Variants in INPP5K observed in about 807,000 individuals in gnomAD.
INPP5K encodes the protein inositol polyphosphate-5-phosphatase K.
In INPP5K, 35 loss-of-function variants were observed where a neutral mutation model predicts 53.5. The ratio of observed to expected loss-of-function variants is 0.65; its 90% confidence interval spans 0.50 to 0.87. The LOEUF (loss-of-function observed/expected upper bound fraction) is 0.87. Among genes scored for constraint, INPP5K ranks in the 40% least tolerant of loss-of-function variants. The probability of loss-of-function intolerance (pLI) is 0.00; values close to 1 mark genes in which losing one functional copy is unlikely to be tolerated. For synonymous variants in INPP5K, 253 were observed against 232.8 expected, an observed-to-expected ratio of 1.09 and a Z score of -0.79; for missense variants, 550 against 586.2, an observed-to-expected ratio of 0.94 and a Z score of 0.64.
intron 3 of INPP5K, among the ~76,000 whole-genome samples, chr17:1,511,239 T>C (rs897184110): frequency 1.3e-5 from 2 of 152,200 alleles, no homozygotes; most frequent in Admixed American, 1.3e-4. Flanking sequence ...GTTTTGTAGT[T>C]GAGGAACTAA....
At chr17:1,497,601 C>T (rs2074889424) in intron 8 of INPP5K, among the ~76,000 whole-genome samples, 1 of 152,048 alleles carries the variant, frequency 6.6e-6, no homozygotes, top group Non-Finnish European at 1.5e-5. Flanking sequence ...AGGGAGCGCC[C>T]GTTGCAACTT....
At chr17:1,508,273 G>A (rs768863430) in intron 5 of INPP5K, 47 bp from the exon 6 acceptor site, 17 of 1,459,014 alleles carry the variant, frequency 1.2e-5, no homozygotes, top group Admixed American at 8.4e-5. Context: ...ATGAAGTCGG[G>A]GAAGGGAGAT....
intron 7 of INPP5K, among the ~76,000 whole-genome samples, chr17:1,504,630 A>C (rs1276968161): frequency 1.3e-5 from 2 of 152,200 alleles, no homozygotes; most frequent in Non-Finnish European, 2.9e-5. Context: ...GTTACTCCTT[A>C]CTTATATATT....
intron 7 of INPP5K, among the ~76,000 whole-genome samples, chr17:1,500,958 C>CTTTT (rs546504445): frequency 2.2e-5 from 3 of 135,304 alleles, no homozygotes; most frequent in South Asian, 2.3e-4. Context: ...TATTCAACTG[C>CTTTT]TTTTTTTTTT....
intron 7 of INPP5K, among the ~76,000 whole-genome samples, chr17:1,500,376 T>G (rs907237564): frequency 2.6e-5 from 4 of 151,986 alleles, no homozygotes; most frequent in African/African-American, 9.7e-5. Context: ...AGTTTTTTTT[T>G]TTTTTTGAGA....
chr17:1,514,949 C>G (rs376117267), intron 1 of INPP5K, among the ~76,000 whole-genome samples: 18 of 150,822 alleles, frequency 1.2e-4, no homozygotes, highest in Admixed American at 8.6e-4. Context: ...CTCTGTTGCC[C>G]AGGCTGGAGT....
chr17:1,514,541 A>G (rs1399326664), intron 1 of INPP5K, among the ~76,000 whole-genome samples: 1 of 151,892 alleles, frequency 6.6e-6, no homozygotes, highest in African/African-American at 2.4e-5. Context: ...ACCCGGCAGC[A>G]CTGGTGCTGC....
chr17:1,506,963 C>T lies in INPP5K; in HGVS notation c.776+17G>A. ...ACCTGACTTCCTAGACCTTCTGGCC[C>T]CCCACTCCCTCCTCACCTGGTGTCA... On this transcript the variant is annotated intron_variant, in intron 7 of 11. Transcript: ENST00000421807. The T allele has an allele frequency of 6.3e-7, 1 of 1,577,834 alleles. No homozygotes were observed.
chr17:1,497,826 C>G, intron 8 of INPP5K, 110 bp downstream of exon 8: 1 of 972,758 alleles, frequency 1.0e-6, no homozygotes, highest in Non-Finnish European at 1.6e-6. Flanking sequence ...ATGGCCTCCA[C>G]AGGTCTCCCC....
chr17:1,504,123 C>T lies in INPP5K; in HGVS notation c.776+2857G>A, dbSNP rs188959618. 1.6e-3 allele frequency among the ~76,000 whole-genome samples: 241 copies of T among 152,340 alleles called. 1 individual carries two copies. Among genetic ancestry groups the T allele is most frequent in the African/African-American group, 5.6e-3 (233 of 41,580 alleles). ...CGGAGTTCTGGAAACCTTCTATTGA[C>T]TAACTCCCAGGCTTGGTAACATATG... On this transcript the variant is annotated intron_variant, in intron 7 of 11. Coordinates refer to ENST00000421807, the MANE Select transcript of INPP5K (RefSeq NM_016532.4).
At chr17:1,514,684 A>G (rs1357525748) in intron 1 of INPP5K, among the ~76,000 whole-genome samples, 1 of 152,146 alleles carries the variant, frequency 6.6e-6, no homozygotes, top group East Asian at 1.9e-4. Context: ...GTCATCATCT[A>G]TGGCTCAGTC....
rs759984146 is a variant in INPP5K, at chr17:1,516,538, C to T, written c.-39G>A. The T allele has an allele frequency of 3.3e-6, 5 of 1,538,024 alleles. No individual in the cohort carries two copies. The highest frequency in any genetic ancestry group is 1.9e-5 in the Admixed American group (1 of 52,234). On this transcript the variant is annotated 5_prime_UTR_variant, in exon 1 of 12. Coordinates refer to ENST00000421807, the MANE Select transcript of INPP5K (RefSeq NM_016532.4). ...CCCGCGCGGTGGTCCGGCAGGTTCGCGTCTCCCGGCCAGCGGGTCCCGGCC... is the reference window on the plus strand; with the variant it reads ...CCCGCGCGGTGGTCCGGCAGGTTCGTGTCTCCCGGCCAGCGGGTCCCGGCC...
intron 1 of INPP5K, among the ~76,000 whole-genome samples, chr17:1,514,557 T>C (rs1176956196): frequency 2.6e-5 from 4 of 151,896 alleles, no homozygotes; most frequent in Admixed American, 6.6e-5. Context: ...GCTGCTGATA[T>C]AGCAGAGTCG....
At chr17:1,513,799 G>T in intron 2 of INPP5K, 73 bp downstream of exon 2, 1 of 1,174,656 alleles carries the variant, frequency 8.5e-7, no homozygotes, top group Non-Finnish European at 1.3e-6. Context: ...GCGGAGGAGG[G>T]CAGGTCACAG....
At chr17:1,505,596 C>T in intron 7 of INPP5K, among the ~76,000 whole-genome samples, 1 of 152,198 alleles carries the variant, frequency 6.6e-6, no homozygotes, top group Non-Finnish European at 1.5e-5. Context: ...CACGACCCTA[C>T]CCTGTCTTGC....
chr17:1,506,881 C>T, intron 7 of INPP5K, 99 bp downstream of exon 7: 2 of 815,404 alleles, frequency 2.5e-6, no homozygotes, highest in Non-Finnish European at 4.0e-6. Flanking sequence ...AGACCAATTC[C>T]TGCCCCCCCT....
intron 1 of INPP5K, chr17:1,515,403 G>A (rs765994387): frequency 1.9e-5 from 19 of 984,968 alleles, no homozygotes; most frequent in Non-Finnish European, 2.3e-5. Flanking sequence ...GATCCAGTCA[G>A]AGGCTCAGGA....
intron 1 of INPP5K, chr17:1,516,228 G>T: frequency 1.1e-6 from 1 of 889,666 alleles, no homozygotes; most frequent in Non-Finnish European, 1.6e-6. Context: ...GAAAGCAACC[G>T]GGACACCTGC....
intron 9 of INPP5K, 41 bp downstream of exon 9, chr17:1,496,625 G>A: frequency 1.2e-6 from 2 of 1,610,778 alleles, no homozygotes; most frequent in Non-Finnish European, 8.5e-7. Context: ...GATGAACCAG[G>A]GGCTGTCGCT....
Sources: allele counts gnomAD v4.1 joint callset (sites outside exome capture counted in the v4.1 genomes callset), GRCh38; gene constraint gnomAD v4.1.1; transcripts MANE v1.5; gene names NCBI Gene and HGNC (gene_info 2026-07-23, HGNC 2026-07-21).